UNC13B: variants seen among roughly 807,000 people sequenced by gnomAD.
UNC13B encodes unc-13 homolog B.
In UNC13B, 144 loss-of-function variants were observed where a neutral mutation model predicts 211.0. The ratio of observed to expected loss-of-function variants is 0.68; its 90% confidence interval spans 0.60 to 0.78. The LOEUF is 0.78. Ranked by LOEUF, UNC13B falls within the 30% of genes least tolerant of loss-of-function variation. The pLI, the probability that UNC13B is intolerant of heterozygous loss-of-function variation, is 0.00. For missense variants in UNC13B, 1,777 were observed against 2,002.0 expected (o/e 0.89, Z 2.14); for synonymous variants, 709 against 725.8 (o/e 0.98, Z 0.37).
At chr9:35,314,332 G>A (rs1021866666) in intron 11 of UNC13B, among the ~76,000 whole-genome samples, 1 of 152,144 alleles carries the variant, frequency 6.6e-6, no homozygotes, top group Non-Finnish European at 1.5e-5. Context: ...CCCTTACCTA[G>A]CCGGTCCATA....
At chr9:35,222,153 A>G (rs1057315679) in intron 1 of UNC13B, among the ~76,000 whole-genome samples, 3 of 152,040 alleles carry the variant, frequency 2.0e-5, no homozygotes, top group Non-Finnish European at 4.4e-5. Flanking sequence ...TTGCGTTTTC[A>G]TATAAATTTT....
chr9:35,378,236 T>C, intron 16 of UNC13B, 59 bp from the exon 17 acceptor site: 1 of 1,606,524 alleles, frequency 6.2e-7, no homozygotes. Flanking sequence ...AGCATATGAG[T>C]AGTGTTGTGG....
Position 35,211,348 on chromosome 9 carries a change from C to CGT in UNC13B, c.23-16654_23-16653dup, listed in dbSNP as rs368579727. On this transcript the variant is annotated intron_variant, in intron 1 of 39. Coordinates refer to ENST00000635942, the MANE Select transcript of UNC13B (RefSeq NM_001371189.2). ...GTAGCATCCTATGCATACTTTTTATCGTGTGTGTGTGTGTCAGGTCTTAAG... is the reference window on the plus strand; with the variant it reads ...GTAGCATCCTATGCATACTTTTTATCGTGTGTGTGTGTGTGTCAGGTCTTAAG... Among the ~76,000 whole-genome samples, 340 of 151,836 alleles carry CGT rather than the reference C, an allele frequency of 2.2e-3. 2 individuals are homozygous for CGT. Among genetic ancestry groups the CGT allele is most frequent in the Admixed American group, 5.6e-3 (86 of 15,238 alleles).
At chr9:35,376,823 A>G (rs886426103) in intron 15 of UNC13B, among the ~76,000 whole-genome samples, 13 of 152,160 alleles carry the variant, frequency 8.5e-5, no homozygotes, top group Admixed American at 6.5e-4. Flanking sequence ...TGGAGTGGGG[A>G]CAATAGGAGC....
intron 11 of UNC13B, among the ~76,000 whole-genome samples, chr9:35,315,614 A>G (rs1316747599): frequency 6.6e-6 from 1 of 152,170 alleles, no homozygotes; most frequent in African/African-American, 2.4e-5. Context: ...TAACCATGAT[A>G]TAACCATTCA....
chr9:35,180,755 A>T (rs1187993566), intron 1 of UNC13B, among the ~76,000 whole-genome samples: 1 of 151,984 alleles, frequency 6.6e-6, no homozygotes, highest in Non-Finnish European at 1.5e-5. Context: ...GCTTTTGTTC[A>T]TTAGTTCTGA....
chr9:35,302,584 A>G lies in UNC13B; in HGVS notation c.3180A>G (p.Ile1060Met). The change falls in exon 9 of 40, where the codon ATA becomes ATG. Residue 1060 changes from isoleucine (I) to methionine (M), a missense_variant. Transcript: ENST00000635942. ...ATGATCTGGGGAAATTTGGGAATAT[A>G]GAGGAATTAAATCCAAGTGACCACA... Reference protein sequence around the residue: ...INNDLGKFGNIEELNPSDHTA... With the variant: ...INNDLGKFGNMEELNPSDHTA... 2.5e-6 allele frequency: 1 copy of G among 398,650 alleles called. No homozygotes were observed. The highest frequency in any genetic ancestry group is 4.4e-6 in the Non-Finnish European group (1 of 225,746). 24.7% of individuals were successfully genotyped at this position (398,650 alleles called of 1,614,324 possible). A position where few individuals can be genotyped will look rare whatever the true frequency, so the allele number is the denominator to read the frequency against.
intron 2 of UNC13B, among the ~76,000 whole-genome samples, chr9:35,230,856 G>A (rs1424424984): frequency 6.6e-6 from 1 of 152,040 alleles, no homozygotes; most frequent in African/African-American, 2.4e-5. Flanking sequence ...GAGTGTGTGT[G>A]TATGCATATC....
intron 1 of UNC13B, among the ~76,000 whole-genome samples, chr9:35,223,450 CTT>C (rs1278747645): frequency 2.0e-5 from 3 of 151,714 alleles, no homozygotes; most frequent in South Asian, 2.1e-4. Flanking sequence ...GATTAGTACT[CTT>C]GAGCATTTTT....
Position 35,338,306 on chromosome 9 carries a change from T to C in UNC13B, c.9414+24317T>C, listed in dbSNP as rs1321848941. ...TAATCAGGGATGGTCCTTGACCTGA[T>C]TGTAGGACTAAGACTTGTCAGCAAT... On this transcript the variant is annotated intron_variant, in intron 11 of 39. Transcript: ENST00000635942. 3.3e-5 allele frequency among the ~76,000 whole-genome samples: 5 copies of C among 152,294 alleles called. No individual in the cohort carries two copies. The East Asian group carries it at 7.7e-4, about 23-fold the overall frequency.
At chr9:35,253,024 T>A (rs1408485099) in intron 6 of UNC13B, among the ~76,000 whole-genome samples, 1 of 152,226 alleles carries the variant, frequency 6.6e-6, no homozygotes, top group African/African-American at 2.4e-5. Context: ...ATTTTTAGAA[T>A]AATGAACTGT....
Position 35,404,208 on chromosome 9 carries a change from A to C in UNC13B, c.*175A>C. On this transcript the variant is annotated 3_prime_UTR_variant, in exon 40 of 40. Coordinates refer to ENST00000635942, the MANE Select transcript of UNC13B (RefSeq NM_001371189.2). Reference sequence around the variant, plus strand: ...AATATGGCTTTTCACAGAAAGGGTCATGAAGCCCTGGCCCAACAGGACTGT... The same window carrying C: ...AATATGGCTTTTCACAGAAAGGGTCCTGAAGCCCTGGCCCAACAGGACTGT... The C allele has an allele frequency of 2.4e-6, 2 of 832,528 alleles. No individual in the cohort carries two copies. 51.6% of individuals were successfully genotyped at this position (832,528 alleles called of 1,614,324 possible).
In UNC13B at chr9:35,397,728, G is replaced by A. The variant is rs775463296; in HGVS notation, c.11754+16G>A. ...GGAGAAACTGGTAGGTTCAGGCCCT[G>A]GGACTCTTACAGAAAGAGAGTGGAA... On this transcript the variant is annotated intron_variant, in intron 30 of 39. Transcript: ENST00000635942. 31 of 1,613,330 alleles carry A rather than the reference G, an allele frequency of 1.9e-5. No individual in the cohort carries two copies. The highest frequency in any genetic ancestry group is 2.3e-5 in the Non-Finnish European group (27 of 1,179,642).
chr9:35,262,568 T>C (rs562054300), intron 7 of UNC13B, among the ~76,000 whole-genome samples: 1 of 152,154 alleles, frequency 6.6e-6, no homozygotes, highest in East Asian at 1.9e-4. Context: ...TCCGCCCACC[T>C]CAGCCTCCAA....
chr9:35,357,320 A>G (rs2031484181), intron 11 of UNC13B, among the ~76,000 whole-genome samples: 1 of 152,152 alleles, frequency 6.6e-6, no homozygotes, highest in Admixed American at 6.5e-5. Context: ...GTGTTTCTCT[A>G]GTGACTAATG....
At chr9:35,367,084 C>T (rs1243387021) in intron 12 of UNC13B, 91 bp downstream of exon 12, 16 of 1,273,458 alleles carry the variant, frequency 1.3e-5, no homozygotes, top group African/African-American at 2.9e-5. Flanking sequence ...GAACCAGCTT[C>T]ATAAGCTGCA....
chr9:35,285,371 T>G (rs1273952602), intron 7 of UNC13B, among the ~76,000 whole-genome samples: 1 of 152,196 alleles, frequency 6.6e-6, no homozygotes, highest in African/African-American at 2.4e-5. Flanking sequence ...AATTAGAATC[T>G]CTGTGAGTAG....
At chr9:35,312,810 A>C (rs1034828513) in intron 10 of UNC13B, among the ~76,000 whole-genome samples, 1 of 152,214 alleles carries the variant, frequency 6.6e-6, no homozygotes, top group African/African-American at 2.4e-5. Context: ...AATGCAGGGT[A>C]GTGTTTCTGT....
intron 11 of UNC13B, among the ~76,000 whole-genome samples, chr9:35,358,194 T>G (rs1191219211): frequency 6.6e-6 from 1 of 152,272 alleles, no homozygotes; most frequent in African/African-American, 2.4e-5. Context: ...TCACATTTTA[T>G]TTATCTGTTC....
Sources: allele counts gnomAD v4.1 joint callset (sites outside exome capture counted in the v4.1 genomes callset), GRCh38; gene constraint gnomAD v4.1.1; transcripts MANE v1.5; gene names NCBI Gene and HGNC (gene_info 2026-07-23, HGNC 2026-07-21).